Variants in CHD9 observed in about 807,000 individuals in gnomAD.
CHD9 encodes the protein chromodomain helicase DNA binding protein 9.
A neutral mutation model predicts 316.1 loss-of-function variants in CHD9; 77 were observed. That is an observed-to-expected ratio of 0.24 (90% confidence interval 0.20 to 0.29). The LOEUF (loss-of-function observed/expected upper bound fraction) is 0.29. Ranked by LOEUF, CHD9 falls within the 10% of genes least tolerant of loss-of-function variation. The probability of loss-of-function intolerance (pLI) is 1.00; values close to 1 mark genes in which losing one functional copy is unlikely to be tolerated. For missense variants in CHD9, 2,763 were observed against 3,438.1 expected (o/e 0.80, Z 4.91); for synonymous variants, 1,129 against 1,158.3 (o/e 0.97, Z 0.51).
At chr16:53,081,839 GTGAA>G (rs57324357) in intron 1 of CHD9, among the ~76,000 whole-genome samples, 2,076 of 150,188 alleles carry the variant, frequency 0.014, 50 homozygotes, top group African/African-American at 0.048. Context: ...TGTCAAGTTT[GTGAA>G]TGAATGAATG....
At chr16:53,098,472 T>C (rs2036561510) in intron 1 of CHD9, among the ~76,000 whole-genome samples, 1 of 107,710 alleles carries the variant, frequency 9.3e-6, no homozygotes, top group African/African-American at 3.2e-5. Context: ...TGAGACTCCG[T>C]CTCAAAAAAA....
intron 2 of CHD9, among the ~76,000 whole-genome samples, chr16:53,185,584 G>T (rs115360426): frequency 1.3e-5 from 2 of 152,154 alleles, no homozygotes; most frequent in Non-Finnish European, 2.9e-5. Context: ...ACAAGGAGTC[G>T]AATGTTAATC....
chr16:53,319,868 A>C, intron 37 of CHD9: 1 of 1,235,904 alleles, frequency 8.1e-7, no homozygotes, highest in South Asian at 1.4e-5. Context: ...ATCCCCATAA[A>C]CCCCCAAGAG....
intron 36 of CHD9, among the ~76,000 whole-genome samples, chr16:53,316,804 A>T (rs941602806): frequency 6.6e-6 from 1 of 152,196 alleles, no homozygotes; most frequent in African/African-American, 2.4e-5. Context: ...CTGAGGAAAG[A>T]TAAAGAAAAT....
chr16:53,258,082 G>A lies in CHD9; in HGVS notation c.4209+2303G>A, dbSNP rs181803427. Among the ~76,000 whole-genome samples the A allele has an allele frequency of 9.9e-5, 15 of 152,218 alleles. No individual in the cohort carries two copies. The East Asian group carries it at 1.4e-3, about 14-fold the overall frequency. On this transcript the variant is annotated intron_variant, in intron 19 of 38. Transcript: ENST00000447540. ...TACAAAGCATTTAATGAGCACATGT[G>A]ATTCTTGGCTTCCTTATTTAACATG...
intron 1 of CHD9, among the ~76,000 whole-genome samples, chr16:53,134,558 A>G (rs780695068): frequency 1.3e-5 from 2 of 152,172 alleles, no homozygotes; most frequent in Non-Finnish European, 2.9e-5. Context: ...TTGTCCTTGT[A>G]GCCCTTAGGG....
chr16:53,173,892 C>A (rs1356863041), intron 2 of CHD9, among the ~76,000 whole-genome samples: 2 of 151,998 alleles, frequency 1.3e-5, no homozygotes, highest in East Asian at 3.9e-4. Flanking sequence ...TCATTAAGAT[C>A]TTTCTTCTTA....
intron 2 of CHD9, among the ~76,000 whole-genome samples, chr16:53,170,940 T>A (rs1026208795): frequency 3.3e-5 from 5 of 152,114 alleles, no homozygotes; most frequent in African/African-American, 1.2e-4. Flanking sequence ...GTAAGGCCCA[T>A]ATAACAAATA....
intron 2 of CHD9, among the ~76,000 whole-genome samples, chr16:53,204,986 C>T (rs942751679): frequency 1.3e-5 from 2 of 152,070 alleles, no homozygotes; most frequent in South Asian, 2.1e-4. Context: ...TGGGATTAGA[C>T]GTGCGCCACC....
At chr16:53,127,118 C>A (rs1460695800) in intron 1 of CHD9, among the ~76,000 whole-genome samples, 1 of 152,120 alleles carries the variant, frequency 6.6e-6, no homozygotes, top group Non-Finnish European at 1.5e-5. Context: ...CCATGCCCAG[C>A]GAATTTTTCT....
intron 15 of CHD9, 123 bp from the exon 16 acceptor site, chr16:53,247,170 T>C (rs2049708921): frequency 1.5e-6 from 1 of 674,952 alleles, no homozygotes. Context: ...AAAAGCAATG[T>C]ACATGCCATT....
rs533758372 is a variant in CHD9 at position 53,060,822 on chromosome 16, G to A, written c.-165+5745G>A. On this transcript the variant is annotated intron_variant, in intron 1 of 38. Coordinates refer to ENST00000447540, the MANE Select transcript of CHD9 (RefSeq NM_001308319.2). Reference sequence around the variant, plus strand: ...TGCAGCCCCAGCTACTTGGGAAGCTGACGGGGGAGGATCACTTCAGACCAG... The same window carrying A: ...TGCAGCCCCAGCTACTTGGGAAGCTAACGGGGGAGGATCACTTCAGACCAG... Among the ~76,000 whole-genome samples the A allele has an allele frequency of 3.9e-5, 6 of 152,160 alleles. No homozygotes were observed. The South Asian group carries it at 1.2e-3, about 32-fold the overall frequency.
chr16:53,208,621 C>G, intron 2 of CHD9: 2 of 999,766 alleles, frequency 2.0e-6, no homozygotes, highest in Non-Finnish European at 2.4e-6. Context: ...GAAAAAATAT[C>G]CAGTGAAGCA....
At chr16:53,129,727 C>A (rs1172943613) in intron 1 of CHD9, among the ~76,000 whole-genome samples, 1 of 152,124 alleles carries the variant, frequency 6.6e-6, no homozygotes, top group Non-Finnish European at 1.5e-5. Flanking sequence ...GTAGGCCGAC[C>A]GAAGTTCAAA....
At chr16:53,185,762 G>A (rs1012246431) in intron 2 of CHD9, among the ~76,000 whole-genome samples, 3 of 152,212 alleles carry the variant, frequency 2.0e-5, no homozygotes, top group African/African-American at 4.8e-5. Flanking sequence ...AGCCATTCCA[G>A]CCCTGGCTAA....
chr16:53,149,630 C>G (rs2040924192), intron 1 of CHD9, among the ~76,000 whole-genome samples: 1 of 150,050 alleles, frequency 6.7e-6, no homozygotes, highest in Non-Finnish European at 1.5e-5. Flanking sequence ...TTCACTGTAA[C>G]CTCCAACTCC....
chr16:53,099,851 C>G (rs1198772698), intron 1 of CHD9, among the ~76,000 whole-genome samples: 2 of 152,266 alleles, frequency 1.3e-5, no homozygotes, highest in Non-Finnish European at 2.9e-5. Flanking sequence ...AGACTGCAGA[C>G]CAGGCGCCCC....
chr16:53,105,154 T>G (rs1157808959), intron 1 of CHD9, among the ~76,000 whole-genome samples: 2 of 152,140 alleles, frequency 1.3e-5, no homozygotes, highest in African/African-American at 4.8e-5. Flanking sequence ...CTTTAAAATA[T>G]TAAGTTTATT....
intron 3 of CHD9, among the ~76,000 whole-genome samples, chr16:53,218,651 T>G (rs2046974152): frequency 6.6e-6 from 1 of 152,212 alleles, no homozygotes; most frequent in Non-Finnish European, 1.5e-5. Flanking sequence ...GAAGTTTTTA[T>G]TCATTGGGAT....
Sources: gnomAD v4.1 joint callset for allele counts (sites outside exome capture counted in the v4.1 genomes callset) on GRCh38, gnomAD v4.1.1 for gene constraint, MANE v1.5 for transcripts, NCBI Gene and HGNC (gene_info 2026-07-23, HGNC 2026-07-21) for gene names.